Variants in DOCK3 observed in about 807,000 individuals in gnomAD.
DOCK3 encodes the protein dedicator of cytokinesis protein 3.
Under a neutral mutation model 265.6 loss-of-function variants are expected in DOCK3, and 60 were observed. That is an observed-to-expected ratio of 0.23 (90% CI 0.18 to 0.28). The LOEUF (loss-of-function observed/expected upper bound fraction) is 0.28, where lower values mean the gene tolerates loss of function less well. Among genes scored for constraint, DOCK3 ranks in the 10% least tolerant of loss-of-function variants. DOCK3 has a pLI of 1.00. For synonymous variants in DOCK3, 881 were observed against 938.0 expected, an observed-to-expected ratio of 0.94 and a Z score of 1.11; for missense variants, 1,981 against 2,594.3, an observed-to-expected ratio of 0.76 and a Z score of 5.14.
intron 5 of DOCK3, among the ~76,000 whole-genome samples, chr3:51,022,547 G>A (rs1271718379): frequency 6.6e-6 from 1 of 152,154 alleles, no homozygotes; most frequent in Non-Finnish European, 1.5e-5. Context: ...TAATGTGTAT[G>A]TTACCAGCGT....
At chr3:51,036,671 C>T (rs184358509) in intron 5 of DOCK3, among the ~76,000 whole-genome samples, 98 of 151,984 alleles carry the variant, frequency 6.4e-4, no homozygotes, top group Non-Finnish European at 1.1e-3. Flanking sequence ...TTTGGAGTCA[C>T]GACTAGGTTA....
intron 5 of DOCK3, among the ~76,000 whole-genome samples, chr3:51,025,782 G>A (rs962122973): frequency 6.6e-6 from 1 of 152,192 alleles, no homozygotes; most frequent in Non-Finnish European, 1.5e-5. Context: ...ATGCCTGCAA[G>A]CCCCTTCCCA....
At chr3:51,072,973 T>A (rs1299371295) in intron 6 of DOCK3, among the ~76,000 whole-genome samples, 1 of 151,810 alleles carries the variant, frequency 6.6e-6, no homozygotes, top group African/African-American at 2.4e-5. Flanking sequence ...TTCCTAAAAG[T>A]CTGGGATTAT....
chr3:50,831,957 G>A (rs1375802616), intron 2 of DOCK3, among the ~76,000 whole-genome samples: 2 of 152,114 alleles, frequency 1.3e-5, no homozygotes, highest in African/African-American at 4.8e-5. Flanking sequence ...TTGTGGTTTT[G>A]ATTTGCATTT....
At chr3:50,923,877 T>C (rs1412222752) in intron 4 of DOCK3, among the ~76,000 whole-genome samples, 1 of 151,994 alleles carries the variant, frequency 6.6e-6, no homozygotes, top group African/African-American at 2.4e-5. Context: ...GATAGTATTA[T>C]GATATTCCCT....
At chr3:50,879,818 C>A (rs1347436804) in intron 3 of DOCK3, among the ~76,000 whole-genome samples, 1 of 152,182 alleles carries the variant, frequency 6.6e-6, no homozygotes, top group African/African-American at 2.4e-5. Flanking sequence ...ACCAAATCAA[C>A]AGAATATACA....
intron 2 of DOCK3, among the ~76,000 whole-genome samples, chr3:50,789,199 A>G (rs1458931542): frequency 4.6e-5 from 7 of 152,196 alleles, no homozygotes; most frequent in African/African-American, 9.7e-5. Flanking sequence ...TATGCAGTTC[A>G]AATAACTTTT....
intron 5 of DOCK3, among the ~76,000 whole-genome samples, chr3:50,979,151 C>A (rs1419615825): frequency 6.6e-6 from 1 of 152,164 alleles, no homozygotes; most frequent in African/African-American, 2.4e-5. Context: ...TGTTCCTATT[C>A]GGCCATCTTG....
At chr3:51,091,903 G>C (rs1346724820) in intron 9 of DOCK3, among the ~76,000 whole-genome samples, 9 of 152,026 alleles carry the variant, frequency 5.9e-5, no homozygotes, top group Admixed American at 4.6e-4. Flanking sequence ...AAGTGCAAGG[G>C]GTTGGGGAAT....
chr3:50,995,069 A>G (rs927264292), intron 5 of DOCK3, among the ~76,000 whole-genome samples: 1 of 152,202 alleles, frequency 6.6e-6, no homozygotes, highest in African/African-American at 2.4e-5. Flanking sequence ...ATATTTCCAA[A>G]TGAAAAGCAT....
intron 9 of DOCK3, among the ~76,000 whole-genome samples, chr3:51,108,885 C>A (rs920505984): frequency 2.0e-5 from 3 of 152,184 alleles, no homozygotes; most frequent in Admixed American, 1.3e-4. Context: ...ATTCATAAAG[C>A]AAATTCTTAG....
chr3:51,109,479 C>A (rs1192668385), intron 9 of DOCK3, among the ~76,000 whole-genome samples: 2 of 151,928 alleles, frequency 1.3e-5, no homozygotes, highest in South Asian at 2.1e-4. Context: ...CAAGAGCAAA[C>A]CAACCTCAAA....
chr3:51,298,005 A>G (rs912371405), intron 27 of DOCK3, among the ~76,000 whole-genome samples: 5 of 152,140 alleles, frequency 3.3e-5, no homozygotes, highest in Non-Finnish European at 5.9e-5. Flanking sequence ...AAAAGAGTAG[A>G]TATAATGAAG....
intron 2 of DOCK3, among the ~76,000 whole-genome samples, chr3:50,789,930 C>A (rs772641491): frequency 6.6e-6 from 1 of 152,100 alleles, no homozygotes; most frequent in Admixed American, 6.5e-5. Context: ...GATGGGGTTT[C>A]GCCATATTGG....
intron 49 of DOCK3, among the ~76,000 whole-genome samples, chr3:51,366,901 A>G (rs2110431687): frequency 6.6e-6 from 1 of 152,320 alleles, no homozygotes; most frequent in East Asian, 1.9e-4. Flanking sequence ...GGAGTGCTTT[A>G]CTTCCAATTA....
intron 12 of DOCK3, among the ~76,000 whole-genome samples, chr3:51,195,681 G>C (rs1053265351): frequency 1.3e-5 from 2 of 151,888 alleles, no homozygotes; most frequent in African/African-American, 2.4e-5. Context: ...GCCTCCCAAA[G>C]TTCTGGGATT....
At chr3:51,182,007 T>TA (rs2087324031) in intron 12 of DOCK3, among the ~76,000 whole-genome samples, 1 of 152,214 alleles carries the variant, frequency 6.6e-6, no homozygotes, top group African/African-American at 2.4e-5. Flanking sequence ...TCACTGTTGT[T>TA]AAAAAAATTT....
intron 23 of DOCK3, among the ~76,000 whole-genome samples, chr3:51,262,260 T>C (rs2079895382): frequency 6.6e-6 from 1 of 152,148 alleles, no homozygotes; most frequent in Non-Finnish European, 1.5e-5. Flanking sequence ...CTGCTGGTGA[T>C]ACCCAGGCAA....
chr3:51,094,096 T>A (rs1014431000), intron 9 of DOCK3, among the ~76,000 whole-genome samples: 4 of 152,224 alleles, frequency 2.6e-5, no homozygotes, highest in Non-Finnish European at 4.4e-5. Flanking sequence ...GATTTTTGCA[T>A]CGATGTTCAT....
Sources: gnomAD v4.1 joint callset for allele counts (sites outside exome capture counted in the v4.1 genomes callset) on GRCh38, gnomAD v4.1.1 for gene constraint, MANE v1.5 for transcripts, NCBI Gene and HGNC (gene_info 2026-07-23, HGNC 2026-07-21) for gene names.